ZFYVE1: variants seen among roughly 807,000 people sequenced by gnomAD.
ZFYVE1 encodes the protein zinc finger FYVE domain-containing protein 1.
ZFYVE1 carries 30 observed loss-of-function variants against 74.4 expected under a neutral mutation model. That is an observed-to-expected ratio of 0.40 (90% CI 0.30 to 0.55). The LOEUF is 0.55. Ranked by LOEUF, ZFYVE1 falls within the 20% of genes least tolerant of loss-of-function variation. The pLI is 0.42. For missense variants in ZFYVE1, 703 were observed against 1,011.6 expected (o/e 0.69, Z 4.14); for synonymous variants, 335 against 385.1 (o/e 0.87, Z 1.52).
At chr14:73,001,488 C>T (rs918464417) in intron 2 of ZFYVE1, among the ~76,000 whole-genome samples, 8 of 151,978 alleles carry the variant, frequency 5.3e-5, no homozygotes, top group East Asian at 1.9e-4. Flanking sequence ...CTGAACACAC[C>T]GGATCTCATC....
intron 3 of ZFYVE1, 45 bp from the exon 4 acceptor site, chr14:72,993,402 A>T (rs1368279255): frequency 1.5e-4 from 37 of 246,734 alleles, no homozygotes; most frequent in South Asian, 2.1e-4. Flanking sequence ...AGTGACATTT[A>T]AAAAAAAAAA....
chr14:73,002,631 A>C lies in ZFYVE1; in HGVS notation c.484-4316T>G, dbSNP rs1053450165. Among the ~76,000 whole-genome samples, 30 of 152,004 alleles carry C rather than the reference A, an allele frequency of 2.0e-4. 1 individual carries two copies. The highest frequency in any genetic ancestry group is 7.2e-4 in the African/African-American group (30 of 41,410). ...CTAATTTTTGTATTTTTAGTAGCCC[A>C]GGGTCAAAGCTCCTGATTCAAAGAG... On this transcript the variant is annotated intron_variant, in intron 2 of 11. Coordinates refer to ENST00000556143, the MANE Select transcript of ZFYVE1 (RefSeq NM_021260.4).
Position 72,970,831 on chromosome 14 carries a change from C to G in ZFYVE1, c.*51G>C. 6.3e-7 allele frequency: 1 copy of G among 1,592,050 alleles called. No individual in the cohort carries two copies. Among genetic ancestry groups the G allele is most frequent in the Non-Finnish European group, 8.6e-7 (1 of 1,164,876 alleles). ...GAGGGCCTACCTCGCAAGACTGTTTCTAACCCTGAGAACCTAAGGAATTGT... is the reference window on the plus strand; with the variant it reads ...GAGGGCCTACCTCGCAAGACTGTTTGTAACCCTGAGAACCTAAGGAATTGT... On this transcript the variant is annotated 3_prime_UTR_variant, in exon 12 of 12. Coordinates refer to ENST00000556143, the MANE Select transcript of ZFYVE1 (RefSeq NM_021260.4).
rs1484400289 is a variant in ZFYVE1 at position 72,993,305 on chromosome 14, C to A, written c.1041G>T (p.Leu347=). 3 of 1,613,466 alleles carry A rather than the reference C, an allele frequency of 1.9e-6. No homozygotes were observed. The highest frequency in any genetic ancestry group is 2.5e-6 in the Non-Finnish European group (3 of 1,179,940). The change falls in exon 4 of 12, where the codon CTG becomes CTT. Residue 347 remains leucine, a synonymous_variant. Transcript: ENST00000556143. ...EKLIQDRFRK[L]GRFPEAFSSI... ...AACTAAAGGCTTCAGGGAAACGGCC[C>A]AGCTTCCGGAACCGGTCCTGGATGA...
Position 72,993,151 on chromosome 14 carries a change from C to G in ZFYVE1, c.1195G>C (p.Ala399Pro). Residue 399 changes from alanine to proline, a missense_variant, in exon 4 of 12, where the codon GCC becomes CCC. Physicochemically the swap from Ala to Pro is conservative, Grantham distance 27. Around this residue, in one of 2 missense-constraint regions of ZFYVE1, gnomAD observed 492 missense variants for 790.0 expected, o/e 0.62. Coordinates refer to ENST00000556143, the MANE Select transcript of ZFYVE1 (RefSeq NM_021260.4). ...GGCACAAGCCAACTGACCTTCAGGG[C>G]TTTGAAGATGACTCCCGGGTGCCGG... The part of the protein sequence containing the change: ...SPRHPGVIFK[A>P]LKALSDRFSG... 6.2e-7 allele frequency: 1 copy of G among 1,605,450 alleles called. No homozygotes were observed. The highest frequency in any genetic ancestry group is 1.3e-5 in the African/African-American group (1 of 74,858).
chr14:73,020,671 G>A (rs940525814), intron 2 of ZFYVE1, among the ~76,000 whole-genome samples: 3 of 152,066 alleles, frequency 2.0e-5, no homozygotes, highest in Admixed American at 6.6e-5. Context: ...TGTTAATGGT[G>A]ACTGCTTTAA....
chr14:73,014,050 G>A (rs1024355361), intron 2 of ZFYVE1, among the ~76,000 whole-genome samples: 2 of 152,158 alleles, frequency 1.3e-5, no homozygotes, highest in African/African-American at 4.8e-5. Flanking sequence ...AAAGCCAAAT[G>A]CCTGCTCAAT....
chr14:73,019,303 G>A (rs527878715), intron 2 of ZFYVE1, among the ~76,000 whole-genome samples: 8 of 152,010 alleles, frequency 5.3e-5, no homozygotes, highest in Non-Finnish European at 8.8e-5. Context: ...TCTATGGGCC[G>A]GGCACAGTGG....
At position 72,976,774 on chromosome 14, in the gene ZFYVE1, C is replaced by T. The variant is rs975432705; in HGVS notation, c.1636-1053G>A. ...CTCCAGCCTGGGTGACAGAGCAAGACTCCATCTCAAAAAAAAAAAAAAAAA... is the reference window on the plus strand; with the variant it reads ...CTCCAGCCTGGGTGACAGAGCAAGATTCCATCTCAAAAAAAAAAAAAAAAA... On this transcript the variant is annotated intron_variant, in intron 8 of 11. Transcript: ENST00000556143. Among the ~76,000 whole-genome samples the T allele has an allele frequency of 2.0e-5, 3 of 147,342 alleles. No homozygotes were observed. The South Asian group carries it at 6.6e-4, about 32-fold the overall frequency.
At position 72,970,872 on chromosome 14, in the gene ZFYVE1, G is replaced by A. The variant is rs747622519; in HGVS notation, c.*10C>T. The A allele has an allele frequency of 1.2e-6, 2 of 1,613,358 alleles. No individual in the cohort carries two copies. The highest frequency in any genetic ancestry group is 1.7e-6 in the Non-Finnish European group (2 of 1,179,334). ...AAGGAATTGTGAAGGACTCGGAGAGGGGGCTGGGGTTAAAGGTCACCGGGC... is the reference window on the plus strand; with the variant it reads ...AAGGAATTGTGAAGGACTCGGAGAGAGGGCTGGGGTTAAAGGTCACCGGGC... On this transcript the variant is annotated 3_prime_UTR_variant, in exon 12 of 12. Transcript: ENST00000556143.
chr14:72,987,070 G>C (rs1371930426), intron 4 of ZFYVE1: 18 of 575,592 alleles, frequency 3.1e-5, no homozygotes, highest in Non-Finnish European at 3.7e-5. Flanking sequence ...ACAACAGTGT[G>C]GCTCTTTCTA....
chr14:73,014,389 A>G (rs1446294724), intron 2 of ZFYVE1, among the ~76,000 whole-genome samples: 1 of 152,148 alleles, frequency 6.6e-6, no homozygotes, highest in Admixed American at 6.6e-5. Context: ...TTCCCAGTAA[A>G]CACCATATAA....
intron 2 of ZFYVE1, among the ~76,000 whole-genome samples, chr14:73,013,684 A>G (rs1290425383): frequency 6.6e-6 from 1 of 152,148 alleles, no homozygotes; most frequent in African/African-American, 2.4e-5. Flanking sequence ...CCCACCTTCA[A>G]AAGCTCCTCT....
chr14:72,988,175 A>ATT (rs34995252), intron 4 of ZFYVE1, among the ~76,000 whole-genome samples: 12,890 of 139,968 alleles, frequency 0.092, 739 homozygotes, highest in South Asian at 0.19. Context: ...GGCTAACAAC[A>ATT]TTTTTTTTTT....
intron 2 of ZFYVE1, among the ~76,000 whole-genome samples, chr14:73,010,897 AC>A (rs369497605): frequency 0.049 from 7,443 of 151,696 alleles, 263 homozygotes; most frequent in African/African-American, 0.1. Context: ...TTAAATGCTT[AC>A]TGTGTGTTAC....
chr14:72,980,726 C>G (rs2333015), intron 5 of ZFYVE1, among the ~76,000 whole-genome samples: 21,873 of 151,954 alleles, frequency 0.14, 1,840 homozygotes, highest in South Asian at 0.23. Flanking sequence ...GGCCACCGTG[C>G]CAGGCTAATT....
chr14:72,984,372 T>C (rs1893422923), intron 4 of ZFYVE1, among the ~76,000 whole-genome samples: 1 of 151,712 alleles, frequency 6.6e-6, no homozygotes, highest in Admixed American at 6.6e-5. Flanking sequence ...CTACTAAAAA[T>C]ACAAAAATTA....
chr14:72,992,630 T>TCCCAC (rs1324391955), intron 4 of ZFYVE1, among the ~76,000 whole-genome samples: 50 of 55,264 alleles, frequency 9.0e-4, no homozygotes, highest in African/African-American at 3.5e-3. Context: ...CCCCGCCCCT[T>TCCCAC]GCAAGAGAGA....
intron 2 of ZFYVE1, among the ~76,000 whole-genome samples, chr14:73,021,161 A>G (rs1224110877): frequency 6.6e-6 from 1 of 152,102 alleles, no homozygotes; most frequent in Non-Finnish European, 1.5e-5. Context: ...CCTGACCAAC[A>G]TAGAGAAACC....
Sources: gnomAD v4.1 joint callset for allele counts (sites outside exome capture counted in the v4.1 genomes callset) on GRCh38, gnomAD v4.1.1 for gene constraint, gnomAD v4.1.1 regional missense constraint, MANE v1.5 for transcripts, NCBI Gene and HGNC (gene_info 2026-07-23, HGNC 2026-07-21) for gene names.